The following GABRB1 variants were observed in gnomAD, a reference collection of about 807,000 sequenced individuals.
GABRB1 encodes the protein gamma-aminobutyric acid type A receptor subunit beta1.
GABRB1 carries 17 observed loss-of-function variants against 51.6 expected under a neutral mutation model. The observed-to-expected ratio is 0.33, with a 90% CI of 0.23 to 0.49. The LOEUF (loss-of-function observed/expected upper bound fraction) is 0.49. GABRB1 is among the 20% of genes least tolerant of loss of function. The probability of loss-of-function intolerance (pLI) is 0.99; values close to 1 mark genes in which losing one functional copy is unlikely to be tolerated. For missense variants in GABRB1, 410 were observed against 600.6 expected (o/e 0.68, Z 3.32); for synonymous variants, 247 against 218.9 (o/e 1.13, Z -1.14).
At chr4:47,244,301 A>G (rs1467223311) in intron 4 of GABRB1, among the ~76,000 whole-genome samples, 2 of 151,928 alleles carry the variant, frequency 1.3e-5, no homozygotes, top group African/African-American at 2.4e-5. Context: ...TTTACTGAGG[A>G]TTTTTGCATC....
chr4:47,311,072 A>AC (rs1724652314), intron 4 of GABRB1, among the ~76,000 whole-genome samples: 1 of 150,088 alleles, frequency 6.7e-6, no homozygotes, highest in Non-Finnish European at 1.5e-5. Flanking sequence ...AAAAAAAAAA[A>AC]AAAAAAAAAA....
intron 4 of GABRB1, among the ~76,000 whole-genome samples, chr4:47,179,696 A>T (rs552165757): frequency 1.3e-4 from 20 of 152,200 alleles, no homozygotes; most frequent in African/African-American, 4.8e-4. Flanking sequence ...GCATGGTGGT[A>T]AATAGGACCA....
At chr4:47,058,378 A>G (rs554898063) in intron 3 of GABRB1, among the ~76,000 whole-genome samples, 2 of 152,362 alleles carry the variant, frequency 1.3e-5, no homozygotes, top group South Asian at 2.1e-4. Flanking sequence ...TCTCAGGCAT[A>G]AACAGATCTT....
intron 3 of GABRB1, among the ~76,000 whole-genome samples, chr4:47,123,724 G>GATATATGATATATC (rs1553917493): frequency 1.3e-5 from 1 of 78,518 alleles, no homozygotes; most frequent in East Asian, 4.0e-4. Context: ...TATGATATAT[G>GATATATGATATATC]ATATATCATA....
chr4:47,407,156 T>C (rs1728604443), intron 8 of GABRB1, among the ~76,000 whole-genome samples: 2 of 152,222 alleles, frequency 1.3e-5, no homozygotes. Context: ...TTATTATTTA[T>C]TCTAAACTAT....
chr4:47,027,008 C>T (rs569020007), upstream of GABRB1, among the ~76,000 whole-genome samples: 1 of 151,766 alleles, frequency 6.6e-6, no homozygotes, highest in East Asian at 1.9e-4. Context: ...TATATCCCTA[C>T]CTCTTAAGAT....
intron 8 of GABRB1, among the ~76,000 whole-genome samples, chr4:47,412,504 C>A (rs1035489557): frequency 1.3e-5 from 2 of 152,260 alleles, no homozygotes; most frequent in East Asian, 3.9e-4. Flanking sequence ...TGCTTTATAT[C>A]AACCTCTGGT....
At chr4:47,088,140 G>T (rs992494553) in intron 3 of GABRB1, among the ~76,000 whole-genome samples, 1 of 152,098 alleles carries the variant, frequency 6.6e-6, no homozygotes, top group Non-Finnish European at 1.5e-5. Flanking sequence ...AGTAGAAAAC[G>T]CTGTACTTTC....
intron 4 of GABRB1, among the ~76,000 whole-genome samples, chr4:47,225,829 C>G (rs933554950): frequency 6.6e-6 from 1 of 152,142 alleles, no homozygotes; most frequent in Non-Finnish European, 1.5e-5. Flanking sequence ...TACCCTTCCA[C>G]AGAAATTTCT....
intron 3 of GABRB1, among the ~76,000 whole-genome samples, chr4:47,040,155 A>C (rs1725775563): frequency 6.6e-6 from 1 of 152,190 alleles, no homozygotes; most frequent in African/African-American, 2.4e-5. Context: ...CTCACATGCA[A>C]ACAGATAAAG....
intron 4 of GABRB1, among the ~76,000 whole-genome samples, chr4:47,251,751 G>T (rs2109864275): frequency 6.6e-6 from 1 of 152,258 alleles, no homozygotes; most frequent in South Asian, 2.1e-4. Flanking sequence ...GCTGAGTCTT[G>T]CAGGTTGTCG....
intron 3 of GABRB1, among the ~76,000 whole-genome samples, chr4:47,123,717 G>GATATAGC (rs1715947169): frequency 1.7e-5 from 1 of 58,602 alleles, no homozygotes; most frequent in Non-Finnish European, 3.0e-5. Context: ...TATGATATAT[G>GATATAGC]ATATATGATA....
At chr4:47,175,552 G>T (rs905841771) in intron 4 of GABRB1, among the ~76,000 whole-genome samples, 11 of 152,142 alleles carry the variant, frequency 7.2e-5, no homozygotes, top group African/African-American at 2.4e-4. Flanking sequence ...ATTTTAAGGA[G>T]AAAGTTAACC....
At chr4:47,240,158 CTT>C (rs1200421671) in intron 4 of GABRB1, among the ~76,000 whole-genome samples, 1 of 152,140 alleles carries the variant, frequency 6.6e-6, no homozygotes, top group Non-Finnish European at 1.5e-5. Flanking sequence ...TTTGGGATGA[CTT>C]TTCCCATTTT....
rs185195800 is a variant in GABRB1, at chr4:47,391,673, G to T, written c.545-11645G>T. Among the ~76,000 whole-genome samples, 46 of 152,290 alleles carry T rather than the reference G, an allele frequency of 3.0e-4. 2 individuals are homozygous for T. The East Asian group carries it at 8.7e-3, about 29-fold the overall frequency. On this transcript the variant is annotated intron_variant, in intron 5 of 8. Coordinates refer to ENST00000295454, the MANE Select transcript of GABRB1 (RefSeq NM_000812.4). ...GACTTACCTGTAAGGCCTCTGTGAA[G>T]GTGTCCTTCATCAGGGAGTAAATTA... is the stretch of plus-strand genomic sequence containing the variant.
At chr4:47,157,544 A>G (rs1717759335) in intron 3 of GABRB1, among the ~76,000 whole-genome samples, 1 of 152,122 alleles carries the variant, frequency 6.6e-6, no homozygotes. Flanking sequence ...TGCAAATAAT[A>G]AACACTTTCA....
chr4:47,227,581 G>A (rs1252916876), intron 4 of GABRB1, among the ~76,000 whole-genome samples: 1 of 152,084 alleles, frequency 6.6e-6, no homozygotes, highest in Admixed American at 6.6e-5. Flanking sequence ...AGCTGAGATG[G>A]CCCTGAGTTT....
intron 1 of GABRB1, among the ~76,000 whole-genome samples, chr4:46,997,825 G>A (rs181636210): frequency 6.6e-6 from 1 of 152,200 alleles, no homozygotes; most frequent in Admixed American, 6.5e-5. Flanking sequence ...TTCATCCACT[G>A]ATGGACACAC....
At chr4:47,043,539 T>A (rs1725951773) in intron 3 of GABRB1, among the ~76,000 whole-genome samples, 2 of 152,058 alleles carry the variant, frequency 1.3e-5, no homozygotes, top group Non-Finnish European at 2.9e-5. Flanking sequence ...AATTATGTGT[T>A]TGCATAGTCA....
Sources: gnomAD v4.1 joint callset for allele counts (sites outside exome capture counted in the v4.1 genomes callset) on GRCh38, gnomAD v4.1.1 for gene constraint, MANE v1.5 for transcripts, NCBI Gene and HGNC (gene_info 2026-07-23, HGNC 2026-07-21) for gene names.